Variants in MRTFA observed in about 807,000 individuals in gnomAD.
MRTFA encodes myocardin related transcription factor A.
A neutral mutation model predicts 83.5 loss-of-function variants in MRTFA; 20 were observed. The ratio of observed to expected loss-of-function variants is 0.24; its 90% CI spans 0.17 to 0.35. MRTFA has a LOEUF of 0.35. MRTFA is among the 10% of genes least tolerant of loss of function. The pLI is 1.00. For missense variants in MRTFA, 1,200 were observed against 1,224.7 expected (o/e 0.98, Z 0.30); for synonymous variants, 659 against 541.2 (o/e 1.22, Z -3.02).
At chr22:40,630,985 T>C (rs2056635645) in intron 1 of MRTFA, among the ~76,000 whole-genome samples, 4 of 152,214 alleles carry the variant, frequency 2.6e-5, no homozygotes. Context: ...CTCTTTTAAG[T>C]ACTGCTTCCA....
chr22:40,520,356 A>T lies in MRTFA; in HGVS notation c.241+31750T>A, dbSNP rs144683633. The stretch of plus-strand genomic sequence containing the variant: ...CATTTCATTTAAATGGAATCACACA[A>T]TATGTGGCCTTTTATGTCTATGTCC... On this transcript the variant is annotated intron_variant, in intron 3 of 14. Transcript: ENST00000355630. Among the ~76,000 whole-genome samples the T allele has an allele frequency of 1.7e-3, 264 of 152,272 alleles. 1 individual carries two copies. Among genetic ancestry groups the T allele is most frequent in the Admixed American group, 6.7e-3 (103 of 15,284 alleles).
intron 3 of MRTFA, among the ~76,000 whole-genome samples, chr22:40,524,971 C>G (rs528379029): frequency 6.6e-6 from 1 of 152,138 alleles, no homozygotes; most frequent in Non-Finnish European, 1.5e-5. Context: ...CCACACCCAG[C>G]TAATTTTTTT....
chr22:40,509,851 C>G (rs1266477092), intron 3 of MRTFA, among the ~76,000 whole-genome samples: 2 of 151,380 alleles, frequency 1.3e-5, no homozygotes, highest in African/African-American at 4.9e-5. Context: ...TTTCCAGCCC[C>G]AGTGCAAGGC....
rs2147312828 is a variant in MRTFA at position 40,552,313 on chromosome 22, A to C, written c.34T>G (p.Ser12Ala). Residue 12 changes from serine (S) to alanine (A), a missense_variant, in exon 3 of 15, where the codon TCC becomes GCC. Physicochemically the swap from Ser to Ala is moderately conservative, Grantham distance 99 (BLOSUM62 1). Transcript: ENST00000355630. ...TCCAGCCCATTCACAGCAATGACGG[A>C]AGGGGGCAGGCACACCACACTGGAG... is the stretch of plus-strand genomic sequence containing the variant. 2.5e-6 allele frequency: 1 copy of C among 399,034 alleles called. No homozygotes were observed. Among genetic ancestry groups the C allele is most frequent in the African/African-American group, 2.1e-5 (1 of 48,746 alleles). The allele number at this position is 399,034 out of a possible 1,614,324, so 24.7% of individuals were successfully genotyped here.
At chr22:40,418,235 A>T in intron 12 of MRTFA, 139 bp downstream of exon 12, 1 of 1,450,682 alleles carries the variant, frequency 6.9e-7, no homozygotes, top group African/African-American at 1.4e-5. Flanking sequence ...AAGTCTCAGT[A>T]CCCCCCTGGT....
chr22:40,622,481 C>CCAAAAAAA (rs71328721), intron 1 of MRTFA, among the ~76,000 whole-genome samples: 4 of 133,866 alleles, frequency 3.0e-5, no homozygotes, highest in African/African-American at 1.1e-4. Context: ...ACTCCCATCT[C>CCAAAAAAA]AAAAAAAAAA....
chr22:40,635,662 C>G (rs2056688590), intron 1 of MRTFA, among the ~76,000 whole-genome samples: 1 of 152,150 alleles, frequency 6.6e-6, no homozygotes, highest in African/African-American at 2.4e-5. Context: ...ACAGGCAAAC[C>G]AGGCATTCTC....
chr22:40,470,734 A>C (rs1026570860), intron 3 of MRTFA, among the ~76,000 whole-genome samples: 1 of 151,972 alleles, frequency 6.6e-6, no homozygotes, highest in African/African-American at 2.4e-5. Flanking sequence ...AGATCACCTG[A>C]GGTCAGGAGT....
At chr22:40,507,792 G>A (rs1021464287) in intron 3 of MRTFA, among the ~76,000 whole-genome samples, 11 of 150,986 alleles carry the variant, frequency 7.3e-5, no homozygotes, top group Admixed American at 4.6e-4. Flanking sequence ...GCGAAACCCC[G>A]TCTCTACTAA....
rs2147061429 is a variant in MRTFA at position 40,416,563 on chromosome 22, C to A, written c.2578+423G>T. On this transcript the variant is annotated intron_variant, in intron 14 of 14. Transcript: ENST00000355630. This position sits in a 1 kb window ranked among gnomAD's most constrained non-coding sequence, Gnocchi z 4.2. ...AGGTACTCCCGAGGCCGCACAGATGCACACAGCTGCCCCTGCTCACAGGAG... is the reference window on the plus strand; with the variant it reads ...AGGTACTCCCGAGGCCGCACAGATGAACACAGCTGCCCCTGCTCACAGGAG... Among the ~76,000 whole-genome samples, 1 of 152,370 alleles carries A rather than the reference C, an allele frequency of 6.6e-6. No homozygotes were observed. Among genetic ancestry groups the A allele is most frequent in the East Asian group, 1.9e-4 (1 of 5,190 alleles).
intron 2 of MRTFA, among the ~76,000 whole-genome samples, chr22:40,583,589 G>A (rs141635373): frequency 7.2e-5 from 11 of 152,244 alleles, no homozygotes; most frequent in Non-Finnish European, 1.6e-4. Flanking sequence ...CAGCAGGACT[G>A]AGTAGTGGGG....
chr22:40,636,389 C>G (rs1005145181), intron 1 of MRTFA, 89 bp downstream of exon 1: 3 of 152,312 alleles, frequency 2.0e-5, no homozygotes, highest in Non-Finnish European at 4.4e-5. Context: ...CCCGAGGACG[C>G]GCGCAGCAGG....
At chr22:40,609,736 C>G (rs1569351115) in intron 1 of MRTFA, among the ~76,000 whole-genome samples, 1 of 151,884 alleles carries the variant, frequency 6.6e-6, no homozygotes, top group African/African-American at 2.4e-5. Flanking sequence ...GAGGCTGAGG[C>G]AGGAGAATTG....
chr22:40,573,438 A>G (rs2055825901), intron 2 of MRTFA, among the ~76,000 whole-genome samples: 1 of 152,132 alleles, frequency 6.6e-6, no homozygotes, highest in South Asian at 2.1e-4. Flanking sequence ...TATTTTTAGT[A>G]GAGACAGGGT....
chr22:40,517,766 T>G (rs2054786029), intron 3 of MRTFA, among the ~76,000 whole-genome samples: 1 of 152,156 alleles, frequency 6.6e-6, no homozygotes, highest in Non-Finnish European at 1.5e-5. Context: ...AACCTGAGTT[T>G]ATGTTAATGA....
chr22:40,592,054 A>G (rs2056127758), intron 2 of MRTFA, among the ~76,000 whole-genome samples: 1 of 152,194 alleles, frequency 6.6e-6, no homozygotes, highest in African/African-American at 2.4e-5. Flanking sequence ...TGACTGAAAG[A>G]CATAGAGATG....
intron 12 of MRTFA, chr22:40,417,790 G>C (rs1020795997): frequency 2.5e-6 from 1 of 395,592 alleles, no homozygotes; most frequent in Middle Eastern, 7.2e-4. Context: ...GGGCTGCTCA[G>C]GGACCCCTGT....
intron 3 of MRTFA, among the ~76,000 whole-genome samples, chr22:40,478,236 T>G (rs1257883680): frequency 6.6e-6 from 1 of 152,186 alleles, no homozygotes; most frequent in East Asian, 1.9e-4. Context: ...CAATGTGGTA[T>G]CCTAGATTGG....
At chr22:40,483,705 TTAAAA>T (rs1177902022) in intron 3 of MRTFA, among the ~76,000 whole-genome samples, 1 of 151,670 alleles carries the variant, frequency 6.6e-6, no homozygotes, top group African/African-American at 2.4e-5. Context: ...AAAATTAAAA[TTAAAA>T]TAAAAAGATA....
Sources: gnomAD v4.1 joint callset for allele counts (sites outside exome capture counted in the v4.1 genomes callset) on GRCh38, gnomAD v4.1.1 for gene constraint, Gnocchi (gnomAD v3.1) non-coding constraint, MANE v1.5 for transcripts, NCBI Gene and HGNC (gene_info 2026-07-23, HGNC 2026-07-21) for gene names.